The following ZNF385D variants were observed in gnomAD, a reference collection of about 807,000 sequenced individuals.
ZNF385D encodes zinc finger protein 659.
Under a neutral mutation model 35.8 loss-of-function variants are expected in ZNF385D, and 15 were observed. That is an observed-to-expected ratio of 0.42 (90% confidence interval 0.28 to 0.64). ZNF385D has a LOEUF of 0.64. ZNF385D is among the 30% of genes least tolerant of loss of function. ZNF385D has a pLI of 0.23. For missense variants in ZNF385D, 474 were observed against 494.6 expected (o/e 0.96, Z 0.39); for synonymous variants, 212 against 186.8 (o/e 1.13, Z -1.10).
chr3:21,476,893 G>T (rs1473380670), intron 4 of ZNF385D, among the ~76,000 whole-genome samples: 2 of 151,998 alleles, frequency 1.3e-5, no homozygotes, highest in African/African-American at 4.8e-5. Context: ...GAGTCTCATC[G>T]GTATCCATAC....
At position 22,219,854 on chromosome 3, in the gene ZNF385D, CTT is replaced by C. The variant is rs1353123272; in HGVS notation, c.107-50821_107-50820del. 1.1e-4 allele frequency among the ~76,000 whole-genome samples: 16 copies of C among 152,134 alleles called. 1 individual carries two copies. The highest frequency in any genetic ancestry group is 7.2e-4 in the Admixed American group (11 of 15,278). On this transcript the variant is annotated intron_variant, in intron 2 of 5. Coordinates refer to the ZNF385D transcript ENST00000494108. ...GTGAAGAATTTTCCGGTTTCAGAGA[CTT>C]TTAGATCTTGGAATTGTAGATAAAC... is the stretch of plus-strand genomic sequence containing the variant.
At chr3:21,683,830 A>G (rs902682578) in intron 1 of ZNF385D, among the ~76,000 whole-genome samples, 1 of 150,024 alleles carries the variant, frequency 6.7e-6, no homozygotes, top group African/African-American at 2.5e-5. Flanking sequence ...CCTTCATTCT[A>G]CAACCACAGG....
In ZNF385D at chr3:21,746,788, G is replaced by A. The variant is rs78386309; in HGVS notation, c.22+4107C>T. On this transcript the variant is annotated intron_variant, in intron 1 of 7. Coordinates refer to ENST00000281523, the MANE Select transcript of ZNF385D (RefSeq NM_024697.3). ...ATGTTTCCACTGAAACCACTAAAAA[G>A]GAATGTTTTTCTCTGCTGCCTGCTG... is the stretch of plus-strand genomic sequence containing the variant. Among the ~76,000 whole-genome samples, 793 of 152,270 alleles carry A rather than the reference G, an allele frequency of 5.2e-3. 5 individuals are homozygous for A. The highest frequency in any genetic ancestry group is 5.8e-3 in the Non-Finnish European group (397 of 68,020).
intron 3 of ZNF385D, among the ~76,000 whole-genome samples, chr3:21,561,242 A>G (rs1380708097): frequency 6.6e-6 from 1 of 152,206 alleles, no homozygotes; most frequent in Non-Finnish European, 1.5e-5. Flanking sequence ...ACAGCCACCC[A>G]GTTTTGTGCT....
chr3:21,469,974 C>T (rs2125339164), intron 4 of ZNF385D, among the ~76,000 whole-genome samples: 1 of 152,128 alleles, frequency 6.6e-6, no homozygotes, highest in South Asian at 2.1e-4. Flanking sequence ...GATATATCTA[C>T]TAATGGAACG....
intron 1 of ZNF385D, among the ~76,000 whole-genome samples, chr3:21,724,477 C>CAAAAAAAAAAAAAAAAAAAAAAAAAAAAA (rs200803155): frequency 1.9e-5 from 1 of 52,022 alleles, no homozygotes; most frequent in Non-Finnish European, 3.3e-5. Context: ...AATGGAAAGC[C>CAAAAAAAAAAAAAAAAAAAAAAAAAAAAA]AAAAAAAAAA....
intron 4 of ZNF385D, among the ~76,000 whole-genome samples, chr3:21,467,265 A>G (rs1346887738): frequency 1.3e-5 from 2 of 152,206 alleles, no homozygotes; most frequent in Non-Finnish European, 2.9e-5. Flanking sequence ...TGTAAAAACC[A>G]AGACCATTTT....
At chr3:21,983,163 TA>T (rs1250490413) in intron 3 of ZNF385D, among the ~76,000 whole-genome samples, 83 of 63,452 alleles carry the variant, frequency 1.3e-3, no homozygotes, top group African/African-American at 0.013. Flanking sequence ...TATTTTATTT[TA>T]TTATTTTTTT....
chr3:21,746,923 C>T (rs189105852), intron 1 of ZNF385D, among the ~76,000 whole-genome samples: 63 of 152,204 alleles, frequency 4.1e-4, no homozygotes, highest in Admixed American at 1.2e-3. Context: ...TAAGTGCTGA[C>T]ATGAGAATGT....
At chr3:21,996,014 G>C (rs1052760514) in intron 3 of ZNF385D, among the ~76,000 whole-genome samples, 1 of 152,204 alleles carries the variant, frequency 6.6e-6, no homozygotes, top group South Asian at 2.1e-4. Context: ...CCTTTGGGTG[G>C]ACACAGGGGA....
At chr3:21,971,572 G>C (rs1271792442) in intron 3 of ZNF385D, among the ~76,000 whole-genome samples, 1 of 150,392 alleles carries the variant, frequency 6.6e-6, no homozygotes, top group Non-Finnish European at 1.5e-5. Flanking sequence ...GGAAGAGATG[G>C]CCAAAAAAAT....
intron 3 of ZNF385D, among the ~76,000 whole-genome samples, chr3:21,984,245 C>G (rs1175020031): frequency 6.8e-6 from 1 of 147,422 alleles, no homozygotes; most frequent in Non-Finnish European, 1.5e-5. Flanking sequence ...TTGGCCACGC[C>G]TATGTCCTGA....
intron 2 of ZNF385D, among the ~76,000 whole-genome samples, chr3:22,306,641 A>G (rs74399046): frequency 0.015 from 2,297 of 152,148 alleles, 54 homozygotes; most frequent in African/African-American, 0.053. Flanking sequence ...TTTGAATGAG[A>G]GGGAAATACT....
chr3:22,170,577 C>T (rs928885617), intron 2 of ZNF385D, among the ~76,000 whole-genome samples: 2 of 152,148 alleles, frequency 1.3e-5, no homozygotes, highest in African/African-American at 2.4e-5. Flanking sequence ...GAAACTCTAT[C>T]TCTCTTACTC....
intron 3 of ZNF385D, among the ~76,000 whole-genome samples, chr3:21,776,487 A>T (rs963843986): frequency 6.6e-6 from 1 of 152,110 alleles, no homozygotes; most frequent in African/African-American, 2.4e-5. Context: ...ATACACAACA[A>T]CTAGCATTCT....
chr3:21,474,018 G>A (rs1704070972), intron 4 of ZNF385D, among the ~76,000 whole-genome samples: 1 of 151,868 alleles, frequency 6.6e-6, no homozygotes, highest in African/African-American at 2.4e-5. Flanking sequence ...ATGTGTGTGT[G>A]TATATATATG....
chr3:21,499,654 A>G (rs535309649), intron 4 of ZNF385D, among the ~76,000 whole-genome samples: 2 of 152,062 alleles, frequency 1.3e-5, no homozygotes, highest in Non-Finnish European at 2.9e-5. Flanking sequence ...TTGAAAAAAA[A>G]AAACCAAAAA....
chr3:21,930,298 C>T (rs1173002868), intron 3 of ZNF385D, among the ~76,000 whole-genome samples: 3 of 146,614 alleles, frequency 2.0e-5, no homozygotes, highest in Admixed American at 6.8e-5. Flanking sequence ...AAACTAGAAA[C>T]GGATCATAGA....
intron 3 of ZNF385D, among the ~76,000 whole-genome samples, chr3:21,789,409 G>C (rs899039047): frequency 1.3e-5 from 2 of 152,268 alleles, no homozygotes; most frequent in African/African-American, 2.4e-5. Flanking sequence ...GGGAGATCTA[G>C]GGCAGAATGT....
Sources: gnomAD v4.1 joint callset for allele counts (sites outside exome capture counted in the v4.1 genomes callset) on GRCh38, gnomAD v4.1.1 for gene constraint, MANE v1.5 for transcripts, NCBI Gene and HGNC (gene_info 2026-07-23, HGNC 2026-07-21) for gene names.